The following CHODL variants were observed in gnomAD, a reference collection of about 807,000 sequenced individuals.
CHODL encodes transmembrane protein MT75.
A neutral mutation model predicts 34.5 loss-of-function variants in CHODL; 29 were observed. The ratio of observed to expected loss-of-function variants is 0.84; its 90% confidence interval spans 0.63 to 1.15. The LOEUF is 1.15. Among genes scored for constraint, CHODL ranks in the 50% most tolerant of loss-of-function variants. The pLI is 0.00. For missense variants in CHODL, 332 were observed against 332.5 expected (o/e 1.00, Z 0.01); for synonymous variants, 125 against 116.1 (o/e 1.08, Z -0.49).
At chr21:18,248,755 T>C (rs1400285095) in intron 1 of CHODL, among the ~76,000 whole-genome samples, 1 of 117,256 alleles carries the variant, frequency 8.5e-6, no homozygotes, top group East Asian at 2.3e-4. Context: ...AATATATATG[T>C]ATATATGTTA....
intron 1 of CHODL, among the ~76,000 whole-genome samples, chr21:17,948,662 G>A (rs2063432111): frequency 6.6e-6 from 1 of 151,980 alleles, no homozygotes; most frequent in African/African-American, 2.4e-5. Flanking sequence ...TAGAAGAAAT[G>A]GATAAATTGC....
chr21:18,036,400 G>A (rs932714441), intron 2 of CHODL, among the ~76,000 whole-genome samples: 1 of 151,944 alleles, frequency 6.6e-6, no homozygotes, highest in African/African-American at 2.4e-5. Context: ...TATTTCAGGG[G>A]CTTGCTTTGT....
chr21:17,948,463 A>G (rs1438939609), intron 1 of CHODL, among the ~76,000 whole-genome samples: 1 of 152,106 alleles, frequency 6.6e-6, no homozygotes, highest in Non-Finnish European at 1.5e-5. Context: ...AATAAATGAA[A>G]TAGACACTAA....
chr21:18,069,738 A>G (rs534424693), intron 2 of CHODL, among the ~76,000 whole-genome samples: 1 of 152,182 alleles, frequency 6.6e-6, no homozygotes, highest in South Asian at 2.1e-4. Context: ...AAAATTTACA[A>G]CTACAAAATA....
chr21:17,941,275 T>C (rs1434661151), intron 1 of CHODL, among the ~76,000 whole-genome samples: 1 of 147,232 alleles, frequency 6.8e-6, no homozygotes, highest in Non-Finnish European at 1.5e-5. Flanking sequence ...ATCCCAAAAC[T>C]TAACTTGCCT....
intron 2 of CHODL, chr21:18,134,477 T>C (rs2072696333): frequency 8.9e-6 from 4 of 447,360 alleles, no homozygotes; most frequent in South Asian, 1.6e-5. Flanking sequence ...ACTGAATACA[T>C]TGAACTGTAT....
At chr21:18,128,555 A>G (rs2072611036) in intron 2 of CHODL, among the ~76,000 whole-genome samples, 1 of 152,136 alleles carries the variant, frequency 6.6e-6, no homozygotes, top group African/African-American at 2.4e-5. Flanking sequence ...ACAATTGTAT[A>G]CTTACAATTT....
intron 2 of CHODL, among the ~76,000 whole-genome samples, chr21:18,234,642 C>T (rs1601181111): frequency 6.6e-6 from 1 of 152,096 alleles, no homozygotes; most frequent in Middle Eastern, 3.4e-3. Context: ...AGAAGTGGTC[C>T]CATGAGGCTG....
intron 2 of CHODL, among the ~76,000 whole-genome samples, chr21:18,064,501 G>A (rs1255681790): frequency 6.6e-6 from 1 of 152,184 alleles, no homozygotes; most frequent in Non-Finnish European, 1.5e-5. Flanking sequence ...AGGAATTCCT[G>A]CTGTCTGATT....
intron 1 of CHODL, among the ~76,000 whole-genome samples, chr21:18,025,992 C>T (rs141118963): frequency 2.0e-3 from 308 of 152,274 alleles, no homozygotes; most frequent in African/African-American, 7.1e-3. Flanking sequence ...GGGACTTCAA[C>T]ATATAAATTT....
At position 18,208,159 on chromosome 21, in the gene CHODL, ATTCTTC is replaced by A. The variant is rs139243429; in HGVS notation, c.-44-48341_-44-48336del. ...TTGCAGGTGTGTTTCATTCTTTTTAATTCTTCTTCTTCTTTTTTTTTTTTGGTCTGC... is the reference window on the plus strand; with the variant it reads ...TTGCAGGTGTGTTTCATTCTTTTTAATTCTTCTTTTTTTTTTTTGGTCTGC... On this transcript the variant is annotated intron_variant, in intron 2 of 6. Coordinates refer to the CHODL transcript ENST00000400127. 1.7e-3 allele frequency among the ~76,000 whole-genome samples: 224 copies of A among 131,004 alleles called. 3 individuals are homozygous for A. The East Asian group carries it at 0.036, about 21-fold the overall frequency. The allele number at this position is 131,004 out of a possible 152,430, so 85.9% of individuals were successfully genotyped here.
chr21:18,261,447 C>T (rs2074381908), intron 4 of CHODL, among the ~76,000 whole-genome samples: 1 of 151,978 alleles, frequency 6.6e-6, no homozygotes, highest in African/African-American at 2.4e-5. Context: ...AGGTGGGTCA[C>T]CTGAGGTCAG....
At position 18,090,242 on chromosome 21, in the gene CHODL, C is replaced by T. The variant is rs545566589; in HGVS notation, c.-45+62271C>T. ...CAAAACCCAAAACCAGTAGATATTT[C>T]TTCTTTACAGTAATGTTAGGAGCTG... On this transcript the variant is annotated intron_variant, in intron 2 of 6. Transcript: ENST00000400127. Among the ~76,000 whole-genome samples the T allele has an allele frequency of 3.3e-5, 5 of 152,260 alleles. No homozygotes were observed. In the South Asian group the frequency reaches 1.0e-3, roughly 32 times the overall value.
intron 2 of CHODL, among the ~76,000 whole-genome samples, chr21:18,175,925 A>G (rs2073304269): frequency 6.6e-6 from 1 of 152,204 alleles, no homozygotes; most frequent in African/African-American, 2.4e-5. Flanking sequence ...GGCAATGGAG[A>G]AAACAAACCT....
At position 18,254,504 on chromosome 21, in the gene CHODL, G is replaced by A. The variant is rs572120995; in HGVS notation, c.80-2005G>A. Among the ~76,000 whole-genome samples, 11 of 152,190 alleles carry A rather than the reference G, an allele frequency of 7.2e-5. No homozygotes were observed. In the South Asian group the frequency reaches 2.3e-3, roughly 32 times the overall value. On this transcript the variant is annotated intron_variant, in intron 1 of 5. Transcript: ENST00000299295. ...GGCGGTTTTAAAAGTTGACAGCAGA[G>A]AGCAGAGGTGAACAAAAGCAGAAGC...
At chr21:18,174,570 G>T (rs1318692844) in intron 2 of CHODL, among the ~76,000 whole-genome samples, 3 of 152,064 alleles carry the variant, frequency 2.0e-5, no homozygotes, top group Non-Finnish European at 4.4e-5. Flanking sequence ...ATTGCTGACA[G>T]GGCTTTTGGA....
intron 2 of CHODL, among the ~76,000 whole-genome samples, chr21:18,122,755 G>A (rs187591216): frequency 2.1e-4 from 32 of 152,254 alleles, no homozygotes; most frequent in East Asian, 5.8e-4. Context: ...TAAAAAATGC[G>A]TTCATCAAAT....
intron 2 of CHODL, among the ~76,000 whole-genome samples, chr21:18,187,358 A>T (rs960971465): frequency 6.6e-6 from 1 of 151,992 alleles, no homozygotes; most frequent in African/African-American, 2.4e-5. Context: ...GCCCACTCTG[A>T]TACCTTCCTT....
At chr21:18,214,078 ACT>A (rs999612233) in intron 2 of CHODL, among the ~76,000 whole-genome samples, 19 of 152,034 alleles carry the variant, frequency 1.2e-4, no homozygotes, top group African/African-American at 4.6e-4. Context: ...CTATCCGTAG[ACT>A]CTAATAAATT....
Sources: allele counts gnomAD v4.1 joint callset (sites outside exome capture counted in the v4.1 genomes callset), GRCh38; gene constraint gnomAD v4.1.1; transcripts MANE v1.5; gene names NCBI Gene and HGNC (gene_info 2026-07-23, HGNC 2026-07-21).